Variants in CLEC4G observed in about 807,000 individuals in gnomAD.
CLEC4G encodes C-type lectin domain family 4 member G.
A neutral mutation model predicts 37.0 loss-of-function variants in CLEC4G; 34 were observed. The ratio of observed to expected loss-of-function variants is 0.92; its 90% CI spans 0.70 to 1.22. The LOEUF (loss-of-function observed/expected upper bound fraction) is 1.22. CLEC4G is among the 50% of genes most tolerant of loss of function. The pLI is 0.00. For missense variants in CLEC4G, 390 were observed against 392.9 expected (o/e 0.99, Z 0.06); for synonymous variants, 167 against 165.6 (o/e 1.01, Z -0.06).
intron 8 of CLEC4G, 142 bp from the exon 9 acceptor site, chr19:7,729,646 T>C: frequency 8.2e-7 from 1 of 1,224,342 alleles, no homozygotes; most frequent in Non-Finnish European, 1.1e-6. Flanking sequence ...AGTATACACC[T>C]GGTATATAAC....
At position 7,729,499 on chromosome 19, in the gene CLEC4G, C is replaced by T; in HGVS notation, c.749G>A (p.Trp250Ter). Residue 250 changes from tryptophan (W) to a stop codon, truncating the protein, a stop_gained, in exon 9 of 9, where the codon TGG (tryptophan) becomes TAG (stop). Transcript: ENST00000328853. LOFTEE classifies it low-confidence loss of function (END_TRUNC). ...VDGVSLSFSH[W>*]NQGEPNDAWG... ...AGCGTCATTGGGCTCTCCCTGGTTC[C>T]AGTGGCTACAGGGGGGTTGAGTGGG... The T allele has an allele frequency of 6.2e-7, 1 of 1,600,650 alleles. No homozygotes were observed. Among genetic ancestry groups the T allele is most frequent in the Non-Finnish European group, 8.5e-7 (1 of 1,170,526 alleles).
chr19:7,730,773 G>A lies in CLEC4G; in HGVS notation c.370C>T (p.Arg124Trp), dbSNP rs1568500415. The A allele has an allele frequency of 2.6e-6, 4 of 1,532,266 alleles. No individual in the cohort carries two copies. The highest frequency in any genetic ancestry group is 3.5e-6 in the Non-Finnish European group (4 of 1,145,672). 94.9% of individuals were successfully genotyped at this position (1,532,266 alleles called of 1,614,324 possible). A position where few individuals can be genotyped will look rare whatever the true frequency, so the allele number is the denominator to read the frequency against. Residue 124 changes from arginine to tryptophan, a missense_variant, in exon 5 of 9, where the codon CGG becomes TGG. Coordinates refer to ENST00000328853, the MANE Select transcript of CLEC4G (RefSeq NM_198492.4). This position sits in a 1 kb window ranked among gnomAD's most constrained non-coding sequence, Gnocchi z 7.3. ...AKLMEQESAL[R>W]ELRERVTQGL... ...CCCTCACCGCGCTCACGCAGTTCCCGCAGGGCGCTCTCCTGCTCCATCAGC... is the reference window on the plus strand; with the variant it reads ...CCCTCACCGCGCTCACGCAGTTCCCACAGGGCGCTCTCCTGCTCCATCAGC...
chr19:7,732,085 G>T lies in CLEC4G; in HGVS notation c.18C>A (p.Tyr6Ter). 2 of 1,608,988 alleles carry T rather than the reference G, an allele frequency of 1.2e-6. No homozygotes were observed. Among genetic ancestry groups the T allele is most frequent in the African/African-American group, 1.3e-5 (1 of 74,938 alleles). The change falls in exon 1 of 9, where the codon TAC becomes TAA. Residue 6 changes from tyrosine (Y) to a stop codon, truncating the protein, a stop_gained. Coordinates refer to ENST00000328853, the MANE Select transcript of CLEC4G (RefSeq NM_198492.4). LOFTEE classifies it high-confidence loss of function. MDTTR[Y>*]SKWGGSSEEV... is the part of the protein sequence containing the mutation. The stretch of plus-strand genomic sequence containing the variant: ...CCTCGGAGCTGCCGCCCCACTTGCT[G>T]TACCTGGTGGTGTCCATGGCGATGC...
chr19:7,729,810 C>T lies in CLEC4G; in HGVS notation c.743+11G>A, dbSNP rs1473435827. The T allele has an allele frequency of 3.7e-6, 6 of 1,613,898 alleles. No individual in the cohort carries two copies. Among genetic ancestry groups the T allele is most frequent in the African/African-American group, 1.3e-5 (1 of 74,932 alleles). ...TCCCTCCCCAGGTCTCACCAGGAGC[C>T]TTTCCCTCACCTGAAGCTGAGAGAG... On this transcript the variant is annotated intron_variant, in intron 8 of 8. Coordinates refer to ENST00000328853, the MANE Select transcript of CLEC4G (RefSeq NM_198492.4).
chr19:7,730,619 G>T lies in CLEC4G; in HGVS notation c.388+136C>A. The T allele has an allele frequency of 6.9e-7, 1 of 1,448,898 alleles. No individual in the cohort carries two copies. Among genetic ancestry groups the T allele is most frequent in the East Asian group, 2.5e-5 (1 of 39,704 alleles). 89.8% of individuals were successfully genotyped at this position (1,448,898 alleles called of 1,614,324 possible). A position where few individuals can be genotyped will look rare whatever the true frequency, so the allele number is the denominator to read the frequency against. ...GGTCCGGGTGTGGCCGGCGCTAGGA[G>T]TGGCAGTCAAGGTCAGAGTGCAGCG... On this transcript the variant is annotated intron_variant, in intron 5 of 8. Coordinates refer to ENST00000328853, the MANE Select transcript of CLEC4G (RefSeq NM_198492.4). This position sits in a 1 kb window ranked among gnomAD's most constrained non-coding sequence, Gnocchi z 7.3.
At chr19:7,729,963 G>T (rs2033401755) in intron 7 of CLEC4G, 27 bp from the exon 8 acceptor site, 1 of 1,612,294 alleles carries the variant, frequency 6.2e-7, no homozygotes, top group Non-Finnish European at 8.5e-7. Context: ...ATCTGAGCCT[G>T]CAGAGTCCGC....
Position 7,730,823 on chromosome 19 carries a change from G to T in CLEC4G, c.320C>A (p.Ala107Glu). 1 of 1,532,386 alleles carries T rather than the reference G, an allele frequency of 6.5e-7. No homozygotes were observed. The highest frequency in any genetic ancestry group is 8.7e-7 in the Non-Finnish European group (1 of 1,145,860). 94.9% of individuals were successfully genotyped at this position (1,532,386 alleles called of 1,614,324 possible). ...CTTCGCCTGCGCCTCCCCAAGCTCC[G>T]CGCGCGTGGTCTGCAGCTGCGCCTG... Reference protein sequence around the residue: ...GTQAQLQTTRAELGEAQAKLM... With the variant: ...GTQAQLQTTREELGEAQAKLM... The change falls in exon 5 of 9, where the codon GCG (alanine) becomes GAG (glutamate). Residue 107 changes from alanine (A) to glutamate (E), a missense_variant. Coordinates refer to ENST00000328853, the MANE Select transcript of CLEC4G (RefSeq NM_198492.4). The surrounding 1 kb of genome is among the most constrained non-coding windows in gnomAD (Gnocchi z 7.3).
intron 3 of CLEC4G, 61 bp downstream of exon 3, chr19:7,731,205 G>C (rs2033426830): frequency 2.5e-6 from 4 of 1,570,978 alleles, no homozygotes; most frequent in Non-Finnish European, 3.4e-6. Flanking sequence ...TCCATCTCCG[G>C]GGTCTCAGAA....
At position 7,730,331 on chromosome 19, in the gene CLEC4G, C is replaced by G; in HGVS notation, c.478+20G>C. On this transcript the variant is annotated intron_variant, in intron 6 of 8. Coordinates refer to ENST00000328853, the MANE Select transcript of CLEC4G (RefSeq NM_198492.4). The surrounding 1 kb of genome is among the most constrained non-coding windows in gnomAD (Gnocchi z 7.3). ...CGCTTACGCCCTCACAGCCCGCCCC[C>G]GACCCCCCGTCTCGCTCACTGTTCT... 1 of 1,582,806 alleles carries G rather than the reference C, an allele frequency of 6.3e-7. No individual in the cohort carries two copies. The highest frequency in any genetic ancestry group is 8.6e-7 in the Non-Finnish European group (1 of 1,164,412).
rs1212494804 is a variant in CLEC4G, at chr19:7,730,700, T to C, written c.388+55A>G. 4.7e-6 allele frequency: 7 copies of C among 1,488,506 alleles called. No homozygotes were observed. The highest frequency in any genetic ancestry group is 6.2e-6 in the Non-Finnish European group (7 of 1,123,694). 92.2% of individuals were successfully genotyped at this position (1,488,506 alleles called of 1,614,324 possible). A position where few individuals can be genotyped will look rare whatever the true frequency, so the allele number is the denominator to read the frequency against. On this transcript the variant is annotated intron_variant, in intron 5 of 8. Coordinates refer to ENST00000328853, the MANE Select transcript of CLEC4G (RefSeq NM_198492.4). The surrounding 1 kb of genome is among the most constrained non-coding windows in gnomAD (Gnocchi z 7.3). ...TCGGGGGTCAGCACTCAGGACGGGG[T>C]CGGGGTCGGGGGACGCGGCCAGGGC...
chr19:7,730,082 C>A lies in CLEC4G; in HGVS notation c.564G>T (p.Ala188=). The change falls in exon 7 of 9, where the codon GCG becomes GCT. Residue 188 remains alanine, a synonymous_variant. Transcript: ENST00000328853. This position sits in a 1 kb window ranked among gnomAD's most constrained non-coding sequence, Gnocchi z 7.3. ...FFSVPKTTWA[A]AQDHCADASA... is the part of the protein sequence containing the mutation. ...TGGCATCTGCGCAGTGATCCTGCGC[C>A]GCCGCCCACGTCGTCTTTGGCACAG... 1 of 1,607,826 alleles carries A rather than the reference C, an allele frequency of 6.2e-7. No homozygotes were observed. The highest frequency in any genetic ancestry group is 8.5e-7 in the Non-Finnish European group (1 of 1,178,202).
At position 7,730,035 on chromosome 19, in the gene CLEC4G, C is replaced by T. The variant is rs748756421; in HGVS notation, c.611G>A (p.Gly204Glu). Residue 204 changes from glycine (G) to glutamate (E), a missense_variant, in exon 7 of 9, where the codon GGG (glycine) becomes GAG (glutamate). Coordinates refer to ENST00000328853, the MANE Select transcript of CLEC4G (RefSeq NM_198492.4). The surrounding 1 kb of genome is among the most constrained non-coding windows in gnomAD (Gnocchi z 7.3). Reference protein sequence around the residue: ...ADASAHLVIVGGLDEQGFLTR... With the variant: ...ADASAHLVIVEGLDEQGFLTR... ...CCTGCGCACCTGCTCATCCAGGCCC[C>T]CAACGATCACCAGGTGCGCGCTGGC... 12 of 1,601,228 alleles carry T rather than the reference C, an allele frequency of 7.5e-6. No individual in the cohort carries two copies. The highest frequency in any genetic ancestry group is 1.0e-5 in the Non-Finnish European group (12 of 1,175,814).
In CLEC4G at chr19:7,729,420, T is replaced by C. The variant is rs2033392118; in HGVS notation, c.828A>G (p.Ala276=). Residue 276 remains alanine, a synonymous_variant, in exon 9 of 9, where the codon GCA becomes GCG. Transcript: ENST00000328853. ...AGCCGTCCTTCTCGCTGTCACACGG[T>C]GCGTCGTTCCACAGCCCCGTGTGCA... ...MMLHTGLWND[A]PCDSEKDGWI... The C allele has an allele frequency of 6.2e-7, 1 of 1,604,604 alleles. No individual in the cohort carries two copies. Among genetic ancestry groups the C allele is most frequent in the Non-Finnish European group, 8.5e-7 (1 of 1,171,522 alleles).
intron 2 of CLEC4G, 44 bp downstream of exon 2, chr19:7,731,617 C>T (rs769369840): frequency 6.2e-7 from 1 of 1,604,600 alleles, no homozygotes; most frequent in Non-Finnish European, 8.5e-7. Context: ...TTTTCTGTCC[C>T]CAGGGGGGCC....
chr19:7,728,971 C>T lies in CLEC4G; in HGVS notation c.*395G>A, dbSNP rs908336371. ...CAGAGCCAGGATCCTGGATTCATTT[C>T]TCAAATATTTATTGATGCTTCCTCA... is the stretch of plus-strand genomic sequence containing the variant. On this transcript the variant is annotated 3_prime_UTR_variant, in exon 9 of 9. Transcript: ENST00000328853. The T allele has an allele frequency of 2.2e-5, 8 of 359,312 alleles. No homozygotes were observed. The highest frequency in any genetic ancestry group is 4.4e-5 in the Non-Finnish European group (8 of 183,026). The allele number at this position is 359,312 out of a possible 1,614,324, so 22.3% of individuals were successfully genotyped here.
Position 7,731,086 on chromosome 19 carries a change from A to C in CLEC4G, c.223T>G (p.Ser75Ala). The C allele has an allele frequency of 6.2e-7, 1 of 1,605,418 alleles. No individual in the cohort carries two copies. ...DGHDLLRTNA[S>A]KQTAALGALK... Reference sequence around the variant, plus strand: ...GCACCCAGCGCCGCCGTCTGCTTCGAGGCTGGAACGACCCCCGCCCCAAAA... The same window carrying C: ...GCACCCAGCGCCGCCGTCTGCTTCGCGGCTGGAACGACCCCCGCCCCAAAA... Residue 75 changes from serine (S) to alanine (A), a missense_variant and splice_region_variant, in exon 4 of 9, where the codon TCG (serine) becomes GCG (alanine). Coordinates refer to ENST00000328853, the MANE Select transcript of CLEC4G (RefSeq NM_198492.4).
In CLEC4G at chr19:7,731,030, G is replaced by A. The variant is rs763380000; in HGVS notation, c.279C>T (p.Ser93=). The change falls in exon 4 of 9, where the codon AGC becomes AGT. Residue 93 remains serine (S), a synonymous_variant. Coordinates refer to ENST00000328853, the MANE Select transcript of CLEC4G (RefSeq NM_198492.4). ...GCCTCGACCGCGCCCCCTCACAGCA[G>A]CTGTGGCAGTCTCCGACCTCCTCCT... ...ALKEEVGDCH[S]CCSGTQAQLQ... is the part of the protein sequence containing the mutation. 6.2e-7 allele frequency: 1 copy of A among 1,601,722 alleles called. No individual in the cohort carries two copies. The highest frequency in any genetic ancestry group is 1.7e-5 in the Admixed American group (1 of 59,832).
rs201366492 is a variant in CLEC4G, at chr19:7,731,037, C to T, written c.272G>A (p.Cys91Tyr). Reference protein sequence around the residue: ...LGALKEEVGDCHSCCSGTQAQ... With the variant: ...LGALKEEVGDYHSCCSGTQAQ... Reference sequence around the variant, plus strand: ...CCGCGCCCCCTCACAGCAGCTGTGGCAGTCTCCGACCTCCTCCTTCAGGGC... The same window carrying T: ...CCGCGCCCCCTCACAGCAGCTGTGGTAGTCTCCGACCTCCTCCTTCAGGGC... Residue 91 changes from cysteine (C) to tyrosine (Y), a missense_variant, in exon 4 of 9, where the codon TGC (cysteine) becomes TAC (tyrosine). Transcript: ENST00000328853. 364 of 1,603,602 alleles carry T rather than the reference C, an allele frequency of 2.3e-4. No homozygotes were observed. The East Asian group carries it at 7.8e-3, about 35-fold the overall frequency.
Position 7,731,081 on chromosome 19 carries a change from C to A in CLEC4G, c.228G>T (p.Lys76Asn), listed in dbSNP as rs1425233245. The stretch of plus-strand genomic sequence containing the variant: ...TCAGGGCACCCAGCGCCGCCGTCTG[C>A]TTCGAGGCTGGAACGACCCCCGCCC... ...GHDLLRTNAS[K>N]QTAALGALKE... The change falls in exon 4 of 9, where the codon AAG becomes AAT. Residue 76 changes from lysine (K) to asparagine (N), a missense_variant. By Grantham distance (94) the Lys-to-Asn change is moderately conservative (BLOSUM62 0). Coordinates refer to ENST00000328853, the MANE Select transcript of CLEC4G (RefSeq NM_198492.4). The A allele has an allele frequency of 2.5e-6, 4 of 1,605,966 alleles. No individual in the cohort carries two copies. In the Admixed American group the frequency reaches 6.7e-5, roughly 27 times the overall value.
Sources: allele counts gnomAD v4.1 joint callset, GRCh38; gene constraint gnomAD v4.1.1; non-coding constraint Gnocchi (gnomAD v3.1); transcripts MANE v1.5; gene names NCBI Gene and HGNC (gene_info 2026-07-23, HGNC 2026-07-21).